The following SLC24A2 variants were observed in gnomAD, a reference collection of about 807,000 sequenced individuals.
The protein encoded by SLC24A2 is sodium/potassium/calcium exchanger 2.
Under a neutral mutation model 62.0 loss-of-function variants are expected in SLC24A2, and 36 were observed. That is an observed-to-expected ratio of 0.58 (90% confidence interval 0.44 to 0.77). SLC24A2 has a LOEUF of 0.77. SLC24A2 is among the 30% of genes least tolerant of loss of function. SLC24A2 has a pLI of 0.00. For missense variants in SLC24A2, 846 were observed against 817.9 expected, an observed-to-expected ratio of 1.03 and a Z score of -0.42; for synonymous variants, 358 against 294.0, an observed-to-expected ratio of 1.22 and a Z score of -2.23.
the SLC24A2 span, among the ~76,000 whole-genome samples, chr9:20,204,163 T>G: frequency 2.6e-5 from 4 of 152,220 alleles, no homozygotes; most frequent in African/African-American, 9.6e-5. Context: ...GGTAAAGTCA[T>G]TGAATTGCAT....
In SLC24A2 at chr9:19,512,916, G is replaced by A. The variant is rs754921497; in HGVS notation, c.*3237C>T. ...ACCGATTTCCTTAAGGCTATAAATT[G>A]ATATTCTTAGGGTGGGAAAATATGG... is the stretch of plus-strand genomic sequence containing the variant. On this transcript the variant is annotated 3_prime_UTR_variant, in exon 11 of 11. Coordinates refer to ENST00000341998, the MANE Select transcript of SLC24A2 (RefSeq NM_020344.4). The A allele has an allele frequency of 6.6e-6, 1 of 151,834 alleles. No homozygotes were observed. The highest frequency in any genetic ancestry group is 2.4e-5 in the African/African-American group (1 of 41,340). 9.4% of individuals were successfully genotyped at this position (151,834 alleles called of 1,614,324 possible). A position where few individuals can be genotyped will look rare whatever the true frequency, so the allele number is the denominator to read the frequency against.
chr9:19,535,274 T>G (rs192085036), intron 8 of SLC24A2, among the ~76,000 whole-genome samples: 3 of 152,344 alleles, frequency 2.0e-5, no homozygotes, highest in Non-Finnish European at 2.9e-5. Context: ...ATGGATAGAT[T>G]GCAAAATTTT....
At chr9:19,928,751 G>T in the SLC24A2 span, 1 of 152,152 alleles carries the variant, frequency 6.6e-6, no homozygotes, top group Non-Finnish European at 1.5e-5. Context: ...AGTTTAGGAA[G>T]GTTGCCAAAA....
intron 10 of SLC24A2, among the ~76,000 whole-genome samples, chr9:19,518,425 CTTTT>C (rs59805848): frequency 7.1e-6 from 1 of 141,258 alleles, no homozygotes; most frequent in Non-Finnish European, 1.6e-5. Context: ...CTTTTCTTTT[CTTTT>C]TTTTTTTTTT....
intron 5 of SLC24A2, among the ~76,000 whole-genome samples, chr9:19,594,463 G>T (rs934031296): frequency 6.6e-6 from 1 of 151,956 alleles, no homozygotes; most frequent in Non-Finnish European, 1.5e-5. Flanking sequence ...TCCACTTAGG[G>T]AAAAAACAAA....
chr9:20,106,341 C>G, the SLC24A2 span, among the ~76,000 whole-genome samples: 1 of 152,204 alleles, frequency 6.6e-6, no homozygotes, highest in Non-Finnish European at 1.5e-5. Flanking sequence ...CTCCCTAACT[C>G]ATTTGATGAG....
At chr9:19,825,044 G>A in the SLC24A2 span, among the ~76,000 whole-genome samples, 6,915 of 152,168 alleles carry the variant, frequency 0.045, 227 homozygotes, top group Non-Finnish European at 0.073. Flanking sequence ...GGGAAGTGAA[G>A]CATTAGGACA....
chr9:19,909,482 A>C, the SLC24A2 span, among the ~76,000 whole-genome samples: 1 of 152,188 alleles, frequency 6.6e-6, no homozygotes, highest in African/African-American at 2.4e-5. Context: ...AAAGTATAAA[A>C]AAAAAGAAGT....
At chr9:20,219,002 G>A in the SLC24A2 span, among the ~76,000 whole-genome samples, 9 of 152,162 alleles carry the variant, frequency 5.9e-5, no homozygotes, top group African/African-American at 2.2e-4. Flanking sequence ...CAAAATCAGA[G>A]AGTCAGAGGA....
the SLC24A2 span, among the ~76,000 whole-genome samples, chr9:20,014,086 T>C: frequency 2.0e-5 from 3 of 152,098 alleles, no homozygotes; most frequent in Non-Finnish European, 4.4e-5. Context: ...TACATGCCTA[T>C]AGTCTCAGCT....
intron 2 of SLC24A2, among the ~76,000 whole-genome samples, chr9:19,779,081 T>C (rs1002665050): frequency 3.3e-5 from 5 of 151,960 alleles, no homozygotes; most frequent in Non-Finnish European, 7.4e-5. Flanking sequence ...CGCTAGAAGG[T>C]AGATATAAAG....
chr9:20,178,132 T>C, the SLC24A2 span, among the ~76,000 whole-genome samples: 2 of 152,198 alleles, frequency 1.3e-5, no homozygotes, highest in African/African-American at 4.8e-5. Context: ...GCCTTACAAG[T>C]ACAGGTAAAA....
intron 2 of SLC24A2, among the ~76,000 whole-genome samples, chr9:19,784,420 A>C (rs1823100572): frequency 1.3e-5 from 2 of 152,220 alleles, no homozygotes; most frequent in African/African-American, 4.8e-5. Context: ...TAAGAAAACA[A>C]GAAAGTACTG....
the SLC24A2 span, among the ~76,000 whole-genome samples, chr9:19,993,960 A>T: frequency 6.6e-6 from 1 of 152,182 alleles, no homozygotes; most frequent in Non-Finnish European, 1.5e-5. Flanking sequence ...TCCTTCCATC[A>T]TTATCTTACT....
At chr9:20,195,100 C>T in the SLC24A2 span, among the ~76,000 whole-genome samples, 1 of 152,130 alleles carries the variant, frequency 6.6e-6, no homozygotes, top group African/African-American at 2.4e-5. Context: ...TTTGTCCATG[C>T]TGGAACATGT....
chr9:19,536,422 A>T (rs1833980257), intron 8 of SLC24A2, among the ~76,000 whole-genome samples: 1 of 113,154 alleles, frequency 8.8e-6, no homozygotes, highest in African/African-American at 3.5e-5. Context: ...TCATTGTTCA[A>T]TTCCCACCTA....
At chr9:19,974,198 C>A in the SLC24A2 span, among the ~76,000 whole-genome samples, 3 of 152,042 alleles carry the variant, frequency 2.0e-5, no homozygotes, top group Non-Finnish European at 2.9e-5. Flanking sequence ...TAATTATATA[C>A]AATTACTACT....
the SLC24A2 span, among the ~76,000 whole-genome samples, chr9:19,945,477 C>G: frequency 1.3e-5 from 2 of 152,184 alleles, no homozygotes; most frequent in Non-Finnish European, 2.9e-5. Flanking sequence ...TTTCCTTTCC[C>G]CTTTTCCATG....
At chr9:19,716,935 G>A (rs1035847913) in intron 2 of SLC24A2, among the ~76,000 whole-genome samples, 1 of 152,290 alleles carries the variant, frequency 6.6e-6, no homozygotes. Flanking sequence ...CAAAGGCTGG[G>A]TAAAATATTC....
Sources: gnomAD v4.1 joint callset for allele counts (sites outside exome capture counted in the v4.1 genomes callset) on GRCh38, gnomAD v4.1.1 for gene constraint, MANE v1.5 for transcripts, NCBI Gene and HGNC (gene_info 2026-07-23, HGNC 2026-07-21) for gene names.